The following ZNF782 variants were observed in gnomAD, a reference collection of about 807,000 sequenced individuals.
The protein encoded by ZNF782 is zinc finger protein 782.
In ZNF782, 12 loss-of-function variants were observed where a neutral mutation model predicts 13.0. That is an observed-to-expected ratio of 0.92 (90% CI 0.59 to 1.50). ZNF782 has a LOEUF of 1.50. ZNF782 is among the 40% of genes most tolerant of loss of function. ZNF782 has a pLI of 0.00. For missense variants in ZNF782, 770 were observed against 822.9 expected (o/e 0.94, Z 0.79); for synonymous variants, 284 against 283.0 (o/e 1.00, Z -0.04).
At chr9:96,890,946 C>T in the ZNF782 span, 1 of 152,154 alleles carries the variant, frequency 6.6e-6, no homozygotes, top group African/African-American at 2.4e-5. Context: ...AACATTACTC[C>T]ACCTGAAAAA....
At chr9:96,866,599 G>A (rs371913575) in intron 1 of ZNF782, among the ~76,000 whole-genome samples, 20 of 152,282 alleles carry the variant, frequency 1.3e-4, no homozygotes, top group African/African-American at 3.8e-4. Flanking sequence ...CCTGGGCACC[G>A]CCTTGTGGAG....
chr9:96,879,009 A>G (rs1047555690), upstream of ZNF782, among the ~76,000 whole-genome samples: 3 of 152,254 alleles, frequency 2.0e-5, no homozygotes, highest in African/African-American at 7.2e-5. Context: ...AAAAAAGAAA[A>G]ACACAATGCT....
the ZNF782 span, among the ~76,000 whole-genome samples, chr9:96,917,903 T>C: frequency 0.026 from 3,851 of 147,336 alleles, 211 homozygotes; most frequent in East Asian, 0.26. Flanking sequence ...TGTGTGTGTG[T>C]GTGTGTGTGT....
intron 2 of ZNF782, chr9:96,861,442 A>T (rs1270093828): frequency 6.5e-6 from 1 of 152,838 alleles, no homozygotes; most frequent in African/African-American, 2.4e-5. Context: ...CTGAATACAC[A>T]TTTCTCAAAA....
chr9:96,906,159 T>G, the ZNF782 span, among the ~76,000 whole-genome samples: 1 of 152,366 alleles, frequency 6.6e-6, no homozygotes, highest in African/African-American at 2.4e-5. Context: ...TGGGTGTATA[T>G]TAATAATAAT....
At chr9:96,914,377 C>T in the ZNF782 span, among the ~76,000 whole-genome samples, 125 of 151,630 alleles carry the variant, frequency 8.2e-4, no homozygotes, top group African/African-American at 2.9e-3. Context: ...GCCTTGGCCT[C>T]CCAAGGTGCT....
At chr9:96,925,294 G>C in the ZNF782 span, among the ~76,000 whole-genome samples, 5 of 151,666 alleles carry the variant, frequency 3.3e-5, no homozygotes, top group Admixed American at 6.6e-5. Flanking sequence ...CGCTTCCTGG[G>C]GCCAGGCGAC....
At chr9:96,876,943 C>CAAAAAAAAAAAACAAAAA (rs1851898995), upstream of ZNF782, among the ~76,000 whole-genome samples, 1 of 42,802 alleles carries the variant, frequency 2.3e-5, no homozygotes, top group Non-Finnish European at 4.0e-5. Context: ...AACTCCGACT[C>CAAAAAAAAAAAACAAAAA]AAAAAAAAAA....
At chr9:96,859,233 A>G (rs1039698343), upstream of ZNF782, among the ~76,000 whole-genome samples, 2 of 152,220 alleles carry the variant, frequency 1.3e-5, no homozygotes, top group South Asian at 4.1e-4. Context: ...GGCAAGTCCT[A>G]GTGCTGTGCC....
At chr9:96,913,151 C>T in the ZNF782 span, among the ~76,000 whole-genome samples, 1 of 151,792 alleles carries the variant, frequency 6.6e-6, no homozygotes, top group Non-Finnish European at 1.5e-5. Flanking sequence ...CCCGTCTCTA[C>T]TAAAAATACA....
At position 96,819,025 on chromosome 9, in the gene ZNF782, G is replaced by A; in HGVS notation, c.998C>T (p.Ala333Val). The A allele has an allele frequency of 4.3e-6, 7 of 1,614,134 alleles. No homozygotes were observed. Among genetic ancestry groups the A allele is most frequent in the Non-Finnish European group, 5.9e-6 (7 of 1,180,016 alleles). ...STLPVHQRTH[A>V]TDKYSDYHPC... ...GTGATAATCAGAGTATTTATCTGTT[G>A]CATGAGTTCTCTGATGCACTGGGAG... The change falls in exon 6 of 6, where the codon GCA becomes GTA. Residue 333 changes from alanine to valine, a missense_variant. Transcript: ENST00000481138.
chr9:96,862,882 C>G (rs2118864482), intron 1 of ZNF782, among the ~76,000 whole-genome samples: 1 of 152,298 alleles, frequency 6.6e-6, no homozygotes, highest in East Asian at 1.9e-4. Context: ...AAACCTGCAA[C>G]TAATCTGGCG....
At chr9:96,882,313 T>C in the ZNF782 span, among the ~76,000 whole-genome samples, 1 of 152,198 alleles carries the variant, frequency 6.6e-6, no homozygotes, top group Admixed American at 6.5e-5. Flanking sequence ...CATACATGTC[T>C]ACTATGATTC....
At chr9:96,877,153 T>C (rs1203099461), upstream of ZNF782, among the ~76,000 whole-genome samples, 1 of 152,046 alleles carries the variant, frequency 6.6e-6, no homozygotes, top group African/African-American at 2.4e-5. Flanking sequence ...TGAGCATGTA[T>C]CTGCTCAATA....
chr9:96,906,064 A>AT, the ZNF782 span, among the ~76,000 whole-genome samples: 21 of 152,406 alleles, frequency 1.4e-4, no homozygotes, highest in Non-Finnish European at 2.9e-4. Flanking sequence ...AGAATGTAAA[A>AT]TGGTGTAGCC....
At chr9:96,870,703 T>G (rs1293278915) in intron 1 of ZNF782, among the ~76,000 whole-genome samples, 2 of 152,228 alleles carry the variant, frequency 1.3e-5, no homozygotes, top group African/African-American at 4.8e-5. Context: ...AACTTTTCTG[T>G]TTCTTTTATA....
At chr9:96,858,087 C>G (rs1851665565), upstream of ZNF782, among the ~76,000 whole-genome samples, 1 of 152,148 alleles carries the variant, frequency 6.6e-6, no homozygotes, top group South Asian at 2.1e-4. The surrounding 1 kb of genome is among the most constrained non-coding windows in gnomAD (Gnocchi z 4.4). Context: ...GCTGACAGGT[C>G]TAGGGCCTCT....
upstream of ZNF782, among the ~76,000 whole-genome samples, chr9:96,856,731 A>ATCTC (rs770892336): frequency 0.087 from 13,200 of 152,256 alleles, 1,463 homozygotes; most frequent in African/African-American, 0.26. Flanking sequence ...ATTCATGAGT[A>ATCTC]ACCCTGCTTA....
chr9:96,906,363 G>A, the ZNF782 span, among the ~76,000 whole-genome samples: 1 of 148,838 alleles, frequency 6.7e-6, no homozygotes, highest in Non-Finnish European at 1.5e-5. Context: ...TCTACCTGGA[G>A]AGAGCATCAG....
Sources: gnomAD v4.1 joint callset for allele counts (sites outside exome capture counted in the v4.1 genomes callset) on GRCh38, gnomAD v4.1.1 for gene constraint, Gnocchi (gnomAD v3.1) non-coding constraint, MANE v1.5 for transcripts, NCBI Gene and HGNC (gene_info 2026-07-23, HGNC 2026-07-21) for gene names.